The following ANO1 variants were observed in gnomAD, a reference collection of about 807,000 sequenced individuals.
ANO1 encodes anoctamin 1, also known as anoctamin-1.
ANO1 carries 59 observed loss-of-function variants against 124.0 expected under a neutral mutation model. That is an observed-to-expected ratio of 0.48 (90% CI 0.39 to 0.59). The LOEUF is 0.59. Ranked by LOEUF, ANO1 falls within the 20% of genes least tolerant of loss-of-function variation. The pLI, the probability that ANO1 is intolerant of heterozygous loss-of-function variation, is 0.00. For synonymous variants in ANO1, 529 were observed against 532.0 expected (o/e 0.99, Z 0.08); for missense variants, 1,059 against 1,328.0 (o/e 0.80, Z 3.15).
At chr11:70,116,879 C>T (rs763039542) in intron 8 of ANO1, among the ~76,000 whole-genome samples, 8 of 152,106 alleles carry the variant, frequency 5.3e-5, no homozygotes, top group Non-Finnish European at 1.2e-4. Flanking sequence ...CCACAGGGCT[C>T]CCAGGCAAAT....
At chr11:69,984,766 C>A (rs1554996681), upstream of ANO1, among the ~76,000 whole-genome samples, 3 of 152,178 alleles carry the variant, frequency 2.0e-5, no homozygotes. Context: ...GCAAGTGATC[C>A]AAGGGTCCCT....
chr11:70,100,671 GC>G (rs2045230791), intron 2 of ANO1, among the ~76,000 whole-genome samples: 1 of 152,200 alleles, frequency 6.6e-6, no homozygotes, highest in East Asian at 1.9e-4. Flanking sequence ...CATGGCACAC[GC>G]CTCAGGGCCT....
intron 6 of ANO1, among the ~76,000 whole-genome samples, chr11:70,110,184 C>CTTTTTTTT (rs923690897): frequency 1.7e-5 from 2 of 118,078 alleles, no homozygotes; most frequent in African/African-American, 3.2e-5. Context: ...TGTTCACTTT[C>CTTTTTTTT]TTTTTTTTTT....
upstream of ANO1, among the ~76,000 whole-genome samples, chr11:69,981,942 A>C (rs1546094): frequency 1.2e-3 from 176 of 152,348 alleles, 1 homozygote; most frequent in Middle Eastern, 3.4e-3. Flanking sequence ...AAGACCATGT[A>C]ATGTATGATT....
At chr11:70,150,203 G>A (rs992002387) in intron 12 of ANO1, among the ~76,000 whole-genome samples, 36 of 152,128 alleles carry the variant, frequency 2.4e-4, no homozygotes, top group African/African-American at 8.0e-4. Flanking sequence ...CTGCCTCCCC[G>A]GGTGCCAAAC....
intron 2 of ANO1, among the ~76,000 whole-genome samples, chr11:70,095,229 AG>A (rs1157228645): frequency 1.4e-5 from 2 of 144,808 alleles, no homozygotes; most frequent in African/African-American, 5.2e-5. Flanking sequence ...AGAGAGAGAG[AG>A]AGGAAAGAAA....
intron 16 of ANO1, among the ~76,000 whole-genome samples, chr11:70,159,851 G>A (rs1465909783): frequency 6.6e-6 from 1 of 152,242 alleles, no homozygotes; most frequent in Non-Finnish European, 1.5e-5. Flanking sequence ...CCCGGAGCTG[G>A]CCAGGGAGTG....
intron 22 of ANO1, among the ~76,000 whole-genome samples, chr11:70,179,273 G>T (rs1003100494): frequency 2.0e-5 from 3 of 152,248 alleles, no homozygotes; most frequent in African/African-American, 7.2e-5. Context: ...GCATGATAGG[G>T]TGCAGTTAGG....
At chr11:69,995,943 A>C (rs4980712) in intron 1 of ANO1, among the ~76,000 whole-genome samples, 130,493 of 151,628 alleles carry the variant, frequency 0.86, 56,882 homozygotes, top group East Asian at 0.98. Context: ...GAAACCCTGT[A>C]TCTACTAAAA....
In ANO1 at chr11:70,188,378, C is replaced by G. The variant is rs1477791004; in HGVS notation, c.*374C>G. ...AACCCTCCTCTGAATCCTCCTAATT[C>G]CTTAAGATAGATGCAAAATGGTAAG... On this transcript the variant is annotated 3_prime_UTR_variant, in exon 26 of 26. Coordinates refer to ENST00000355303, the MANE Select transcript of ANO1 (RefSeq NM_018043.7). 2 of 204,960 alleles carry G rather than the reference C, an allele frequency of 9.8e-6. No homozygotes were observed. Among genetic ancestry groups the G allele is most frequent in the Non-Finnish European group, 2.0e-5 (2 of 101,944 alleles). 12.7% of individuals were successfully genotyped at this position (204,960 alleles called of 1,614,324 possible). A position where few individuals can be genotyped will look rare whatever the true frequency, so the allele number is the denominator to read the frequency against.
chr11:70,028,519 A>G (rs1386890565), intron 1 of ANO1, among the ~76,000 whole-genome samples: 1 of 152,032 alleles, frequency 6.6e-6, no homozygotes, highest in African/African-American at 2.4e-5. Context: ...AAATGACTCA[A>G]TTGATGGTCT....
intron 11 of ANO1, among the ~76,000 whole-genome samples, chr11:70,147,381 C>T (rs1212453895): frequency 1.3e-5 from 2 of 152,218 alleles, no homozygotes; most frequent in African/African-American, 2.4e-5. Flanking sequence ...CTGCTCCCAC[C>T]GTCTGCCTCC....
chr11:70,107,212 G>A (rs2045582471), intron 5 of ANO1, among the ~76,000 whole-genome samples: 1 of 152,144 alleles, frequency 6.6e-6, no homozygotes, highest in East Asian at 1.9e-4. Flanking sequence ...GGGATGTATT[G>A]GGCACCTGCT....
chr11:70,105,789 G>T lies in ANO1; in HGVS notation c.747+1G>T. On this transcript the variant is annotated splice_donor_variant, in intron 5 of 25. Coordinates refer to ENST00000355303, the MANE Select transcript of ANO1 (RefSeq NM_018043.7). LOFTEE classifies it high-confidence loss of function. Reference sequence around the variant, plus strand: ...CGACAGCAAAACCCGGAGCACGATTGTAAGTATCGCACGCGCCTGGAAACG... The same window carrying T: ...CGACAGCAAAACCCGGAGCACGATTTTAAGTATCGCACGCGCCTGGAAACG... The T allele has an allele frequency of 6.2e-7, 1 of 1,613,406 alleles. No individual in the cohort carries two copies. Among genetic ancestry groups the T allele is most frequent in the Admixed American group, 1.7e-5 (1 of 59,982 alleles).
chr11:70,177,170 G>A (rs1002783937), intron 22 of ANO1, among the ~76,000 whole-genome samples: 17 of 152,278 alleles, frequency 1.1e-4, no homozygotes, highest in African/African-American at 4.1e-4. Flanking sequence ...GCACTTCGAC[G>A]GCCCTGAACT....
chr11:70,146,868 T>A (rs2047397714), intron 11 of ANO1, among the ~76,000 whole-genome samples: 1 of 152,134 alleles, frequency 6.6e-6, no homozygotes, highest in South Asian at 2.1e-4. Flanking sequence ...TCAGCAAGTG[T>A]GCTCTTCCAC....
At chr11:69,999,015 C>T (rs1554998811) in intron 1 of ANO1, among the ~76,000 whole-genome samples, 1 of 134,990 alleles carries the variant, frequency 7.4e-6, no homozygotes, top group Non-Finnish European at 1.6e-5. Flanking sequence ...GCCTGGGTGA[C>T]AGAGTGAGAC....
intron 1 of ANO1, among the ~76,000 whole-genome samples, chr11:70,023,647 C>T (rs758973688): frequency 5.3e-5 from 8 of 152,188 alleles, no homozygotes; most frequent in Non-Finnish European, 7.3e-5. Flanking sequence ...CATGCTCACA[C>T]TGCAAGGCTG....
At chr11:70,145,958 A>C (rs922389524) in intron 11 of ANO1, among the ~76,000 whole-genome samples, 1 of 151,060 alleles carries the variant, frequency 6.6e-6, no homozygotes, top group East Asian at 1.9e-4. Context: ...AAAAAAAAAA[A>C]AAAAAAAGAA....
Sources: gnomAD v4.1 joint callset for allele counts (sites outside exome capture counted in the v4.1 genomes callset) on GRCh38, gnomAD v4.1.1 for gene constraint, MANE v1.5 for transcripts, NCBI Gene and HGNC (gene_info 2026-07-23, HGNC 2026-07-21) for gene names.